Variants in DMD observed in about 807,000 individuals in gnomAD.
DMD encodes the protein dystrophin.
Under a neutral mutation model 330.1 loss-of-function variants are expected in DMD, and 63 were observed. The ratio of observed to expected loss-of-function variants is 0.19; its 90% confidence interval spans 0.16 to 0.24. The LOEUF (loss-of-function observed/expected upper bound fraction) is 0.24, where lower values mean the gene tolerates loss of function less well. Ranked by LOEUF, DMD falls within the 10% of genes least tolerant of loss-of-function variation. The pLI, the probability that DMD is intolerant of heterozygous loss-of-function variation, is 1.00. For missense variants in DMD, 3,344 were observed against 2,684.1 expected (o/e 1.25, Z -5.43); for synonymous variants, 1,223 against 959.8 (o/e 1.27, Z -5.07).
At chrX:31,566,270 A>G (rs779595393) in intron 55 of DMD, among the ~76,000 whole-genome samples, 41 of 111,496 alleles carry the variant, frequency 3.7e-4, no homozygotes, top group Non-Finnish European at 4.3e-4. Flanking sequence ...AAGTTTTTAC[A>G]AGGTGTGAGA....
chrX:32,255,156 C>T (rs1051940734), intron 43 of DMD, among the ~76,000 whole-genome samples: 2 of 111,953 alleles, frequency 1.8e-5, no homozygotes, highest in African/African-American at 6.5e-5. Flanking sequence ...TATGGATACA[C>T]CACGTTTTGT....
At chrX:32,826,362 A>G (rs1179196197) in intron 4 of DMD, among the ~76,000 whole-genome samples, 1 of 111,928 alleles carries the variant, frequency 8.9e-6, no homozygotes, top group African/African-American at 3.3e-5. Flanking sequence ...ACAAATCAAT[A>G]TGTCAAAGAA....
chrX:33,236,432 T>C lies in DMD; in HGVS notation c.7+102827A>G, dbSNP rs955154532. Among the ~76,000 whole-genome samples the C allele has an allele frequency of 5.5e-5, 6 of 108,919 alleles. No homozygotes were observed. In the Admixed American group the frequency reaches 5.9e-4, roughly 11 times the overall value. 94.6% of individuals were successfully genotyped at this position (108,919 alleles called of 115,157 possible). On this transcript the variant is annotated intron_variant, in intron 1 of 17. Transcript: ENST00000288447. ...GGCATGCACCACCACACCCAGCTAA[T>C]TGTTGTATTTTTAGTACAGATGGGG...
chrX:31,932,650 G>T lies in DMD; in HGVS notation c.6615-423C>A, dbSNP rs767104522. On this transcript the variant is annotated intron_variant, in intron 45 of 78. Transcript: ENST00000357033. ...AATCCCAGCTACTAGGGAGGCTGAGGCAGGAGAATCACTTGAACGTGGAAG... is the reference window on the plus strand; with the variant it reads ...AATCCCAGCTACTAGGGAGGCTGAGTCAGGAGAATCACTTGAACGTGGAAG... 1.5e-4 allele frequency among the ~76,000 whole-genome samples: 17 copies of T among 111,648 alleles called. No homozygotes were observed. In the East Asian group the frequency reaches 3.9e-3, roughly 26 times the overall value.
chrX:33,031,772 AAAACAAAC>A (rs769836544), intron 1 of DMD, among the ~76,000 whole-genome samples: 2 of 110,556 alleles, frequency 1.8e-5, no homozygotes, highest in African/African-American at 6.6e-5. Context: ...CTCCATCTCA[AAAACAAAC>A]AAACAAACAA....
At chrX:32,767,573 T>TCAA (rs1160199943) in intron 7 of DMD, among the ~76,000 whole-genome samples, 2 of 111,720 alleles carry the variant, frequency 1.8e-5, no homozygotes, top group African/African-American at 6.5e-5. Context: ...CTGAAGTCTT[T>TCAA]CAACAAGAAA....
At chrX:32,544,771 T>C (rs186717613) in intron 17 of DMD, among the ~76,000 whole-genome samples, 1 of 107,591 alleles carries the variant, frequency 9.3e-6, no homozygotes, top group Admixed American at 1.0e-4. Context: ...TTCATGAAAA[T>C]GCACTTTCCG....
chrX:32,527,964 T>C (rs1727207579), intron 17 of DMD, among the ~76,000 whole-genome samples: 1 of 111,792 alleles, frequency 8.9e-6, no homozygotes, highest in Admixed American at 9.5e-5. Flanking sequence ...TGTGTGTTTG[T>C]GTGTATGTTT....
intron 1 of DMD, among the ~76,000 whole-genome samples, chrX:33,174,016 A>G (rs2049503105): frequency 1.0e-5 from 1 of 96,611 alleles, no homozygotes; most frequent in African/African-American, 4.0e-5. Flanking sequence ...TATTGTATCT[A>G]TATAAGATTG....
intron 7 of DMD, among the ~76,000 whole-genome samples, chrX:32,801,347 C>T (rs2076550170): frequency 9.0e-6 from 1 of 111,101 alleles, no homozygotes; most frequent in African/African-American, 3.3e-5. Context: ...CTGTTCATAC[C>T]CTTTGCCTAC....
At chrX:31,479,281 A>C (rs2068060692) in intron 57 of DMD, among the ~76,000 whole-genome samples, 178 bp from the exon 58 acceptor site, 1 of 111,862 alleles carries the variant, frequency 8.9e-6, no homozygotes, top group African/African-American at 3.2e-5. Context: ...TCTGTTAATG[A>C]GGAAAGCGCT....
chrX:32,258,038 A>T (rs1403826415), intron 43 of DMD, among the ~76,000 whole-genome samples: 1 of 111,652 alleles, frequency 9.0e-6, no homozygotes, highest in Non-Finnish European at 1.9e-5. Flanking sequence ...CAAGACATTT[A>T]TGCAGCCAGC....
intron 1 of DMD, among the ~76,000 whole-genome samples, chrX:33,154,183 G>A (rs2048396836): frequency 1.8e-5 from 2 of 111,153 alleles, no homozygotes; most frequent in South Asian, 7.6e-4. Flanking sequence ...GATCATTTGA[G>A]GTCAGGAGAT....
intron 30 of DMD, among the ~76,000 whole-genome samples, chrX:32,392,766 T>C (rs2098013204): frequency 1.8e-5 from 2 of 112,568 alleles, no homozygotes; most frequent in Admixed American, 1.9e-4. Flanking sequence ...ACGTCTATCT[T>C]TTTAGAACAG....
intron 43 of DMD, among the ~76,000 whole-genome samples, chrX:32,253,021 C>T (rs749812924): frequency 6.3e-5 from 6 of 95,720 alleles, no homozygotes; most frequent in South Asian, 4.5e-4. Flanking sequence ...AAAACTTTCC[C>T]GATCGATTAA....
intron 2 of DMD, among the ~76,000 whole-genome samples, chrX:32,854,273 C>A (rs1033461382): frequency 3.6e-5 from 4 of 111,395 alleles, no homozygotes; most frequent in African/African-American, 9.8e-5. Context: ...GGAGGATTCT[C>A]AAGGATGGGC....
intron 2 of DMD, among the ~76,000 whole-genome samples, chrX:33,010,278 A>G (rs894138268): frequency 1.9e-5 from 2 of 107,886 alleles, no homozygotes; most frequent in Non-Finnish European, 3.8e-5. Context: ...GTGTATATGT[A>G]CATATATGTG....
chrX:31,658,112 T>C lies in DMD; in HGVS notation c.7905A>G (p.Thr2635=). The stretch of plus-strand genomic sequence containing the variant: ...CCAAGTCATTTGCCACATCTACATT[T>C]GTCTGCCACTGGCGGAGGTCTTTGG... ...QLAKDLRQWQ[T]NVDVANDLAL... is the part of the protein sequence containing the mutation. Residue 2635 remains threonine (T), a synonymous_variant, in exon 54 of 79, where the codon ACA becomes ACG. Transcript: ENST00000357033. 8.3e-7 allele frequency: 1 copy of C among 1,211,910 alleles called. No individual in the cohort carries two copies. Among genetic ancestry groups the C allele is most frequent in the East Asian group, 3.0e-5 (1 of 33,861 alleles).
intron 19 of DMD, among the ~76,000 whole-genome samples, chrX:32,498,094 T>A: frequency 9.0e-6 from 1 of 111,402 alleles, no homozygotes; most frequent in Non-Finnish European, 1.9e-5. Flanking sequence ...GCTACATGAA[T>A]ATATAAATAC....
Sources: allele counts gnomAD v4.1 joint callset (sites outside exome capture counted in the v4.1 genomes callset), GRCh38; gene constraint gnomAD v4.1.1; transcripts MANE v1.5; gene names NCBI Gene and HGNC (gene_info 2026-07-23, HGNC 2026-07-21).